Variants in PIK3R3 observed in about 807,000 individuals in gnomAD.
The protein encoded by PIK3R3 is phosphatidylinositol 3-kinase regulatory subunit gamma.
Under a neutral mutation model 62.9 loss-of-function variants are expected in PIK3R3, and 64 were observed. The ratio of observed to expected loss-of-function variants is 1.02; its 90% confidence interval spans 0.83 to 1.25. PIK3R3 has a LOEUF of 1.25. PIK3R3 is among the 50% of genes most tolerant of loss of function. The pLI is 0.00. For synonymous variants in PIK3R3, 165 were observed against 189.0 expected (o/e 0.87, Z 1.04); for missense variants, 614 against 561.6 (o/e 1.09, Z -0.94).
chr1:46,068,354 T>A (rs1383005307), intron 3 of PIK3R3, among the ~76,000 whole-genome samples: 1 of 152,194 alleles, frequency 6.6e-6, no homozygotes, highest in Admixed American at 6.5e-5. Context: ...TACAGATATA[T>A]GATAAACAAG....
intron 1 of PIK3R3, among the ~76,000 whole-genome samples, chr1:46,090,547 C>G (rs1461033151): frequency 2.0e-5 from 3 of 151,912 alleles, no homozygotes; most frequent in African/African-American, 7.3e-5. Context: ...ACTGGCCAGG[C>G]TGGTCTCAAA....
At chr1:46,091,688 G>A (rs766220358) in intron 1 of PIK3R3, among the ~76,000 whole-genome samples, 49 of 151,880 alleles carry the variant, frequency 3.2e-4, no homozygotes, top group South Asian at 6.3e-4. Context: ...CAAATTTGAG[G>A]GTATTCAAAA....
At chr1:46,070,305 CA>C (rs1309730521) in intron 3 of PIK3R3, among the ~76,000 whole-genome samples, 1 of 152,158 alleles carries the variant, frequency 6.6e-6, no homozygotes, top group African/African-American at 2.4e-5. Context: ...TGGACAAGGA[CA>C]TGAACAGTCA....
chr1:46,162,017 G>A, the PIK3R3 span, among the ~76,000 whole-genome samples: 8 of 151,848 alleles, frequency 5.3e-5, no homozygotes, highest in African/African-American at 9.7e-5. Context: ...GTGTGAACCC[G>A]GGAGGCGGAG....
chr1:46,110,389 C>T (rs1446099873), intron 1 of PIK3R3, among the ~76,000 whole-genome samples: 3 of 151,266 alleles, frequency 2.0e-5, no homozygotes, highest in South Asian at 2.1e-4. Context: ...CCCAAAGTGC[C>T]GAGATTACAG....
At chr1:46,045,617 CTTTTTTTTT>C (rs1031388121) in intron 9 of PIK3R3, among the ~76,000 whole-genome samples, 8 of 21,212 alleles carry the variant, frequency 3.8e-4, no homozygotes, top group South Asian at 1.7e-3. Flanking sequence ...CAATTAAGTG[CTTTTTTTTT>C]TTTTTTTTTT....
intron 1 of PIK3R3, among the ~76,000 whole-genome samples, chr1:46,100,264 A>G (rs1652531134): frequency 6.6e-6 from 1 of 152,110 alleles, no homozygotes; most frequent in Admixed American, 6.5e-5. Context: ...CTTTTTTCTA[A>G]AAGTTTAACT....
At chr1:46,075,676 TAATC>T (rs1180905901) in intron 3 of PIK3R3, among the ~76,000 whole-genome samples, 1 of 152,058 alleles carries the variant, frequency 6.6e-6, no homozygotes, top group Non-Finnish European at 1.5e-5. Context: ...AAATCTGTGT[TAATC>T]AGAGTTCTCC....
At chr1:46,128,823 G>A (rs969399004) in intron 1 of PIK3R3, among the ~76,000 whole-genome samples, 1 of 152,190 alleles carries the variant, frequency 6.6e-6, no homozygotes, top group Non-Finnish European at 1.5e-5. Context: ...TCTCACGCCT[G>A]TAATCCCAGC....
chr1:46,106,055 C>A (rs1653178160), intron 1 of PIK3R3, among the ~76,000 whole-genome samples: 1 of 152,076 alleles, frequency 6.6e-6, no homozygotes, highest in Non-Finnish European at 1.5e-5. Flanking sequence ...AATAATAAAT[C>A]CACATACAGC....
At chr1:46,093,391 A>G (rs567830255) in intron 1 of PIK3R3, among the ~76,000 whole-genome samples, 2 of 152,298 alleles carry the variant, frequency 1.3e-5, no homozygotes, top group Admixed American at 6.5e-5. Flanking sequence ...GGGATTTGCA[A>G]TGCCCCCTAA....
chr1:46,129,928 C>A (rs954012986), intron 1 of PIK3R3, among the ~76,000 whole-genome samples: 3 of 152,152 alleles, frequency 2.0e-5, no homozygotes, highest in Non-Finnish European at 4.4e-5. Flanking sequence ...CAAGGATGAA[C>A]ATTTTAAACT....
intron 1 of PIK3R3, among the ~76,000 whole-genome samples, chr1:46,092,818 A>AC (rs1441084574): frequency 1.6e-5 from 1 of 64,032 alleles, no homozygotes; most frequent in African/African-American, 6.6e-5. Context: ...ACTGGTCTTC[A>AC]TTTCTCTCTC....
intron 1 of PIK3R3, among the ~76,000 whole-genome samples, chr1:46,111,950 C>T (rs951236000): frequency 6.6e-6 from 1 of 152,176 alleles, no homozygotes; most frequent in African/African-American, 2.4e-5. Flanking sequence ...GCAATTCCAT[C>T]TCTGTCCTCC....
intron 9 of PIK3R3, 49 bp downstream of exon 9, chr1:46,045,869 T>C (rs1196991072): frequency 3.3e-6 from 5 of 1,495,456 alleles, no homozygotes; most frequent in Non-Finnish European, 4.6e-6. Context: ...GATTTTATAA[T>C]AATTGATGCA....
intron 3 of PIK3R3, 62 bp downstream of exon 3, chr1:46,077,453 T>G (rs1468169758): frequency 1.3e-6 from 1 of 779,102 alleles, no homozygotes; most frequent in African/African-American, 1.7e-5. Context: ...CAGAAATATC[T>G]GTATACCCAG....
chr1:46,066,637 T>TTG lies in PIK3R3; in HGVS notation c.495+273_495+274insCA, dbSNP rs1571397244. On this transcript the variant is annotated intron_variant, in intron 4 of 9. Coordinates refer to ENST00000262741, the MANE Select transcript of PIK3R3 (RefSeq NM_003629.4). ...GAGTTCAAGACTAGCCTGGGCAACA[T>TTG]GGCAAGACCCTGAAGTTGTGGCATG... Among the ~76,000 whole-genome samples the TTG allele has an allele frequency of 2.0e-5, 3 of 152,064 alleles. No individual in the cohort carries two copies. The East Asian group carries it at 5.8e-4, about 29-fold the overall frequency.
chr1:46,157,672 G>A, the PIK3R3 span, among the ~76,000 whole-genome samples: 1 of 152,166 alleles, frequency 6.6e-6, no homozygotes, highest in African/African-American at 2.4e-5. Flanking sequence ...CAGTGAAGGA[G>A]GAAAGCTTAG....
intron 1 of PIK3R3, among the ~76,000 whole-genome samples, chr1:46,096,523 T>A (rs577033754): frequency 6.6e-6 from 1 of 152,362 alleles, no homozygotes; most frequent in South Asian, 2.1e-4. Context: ...TAAATTAAAT[T>A]AGAATCTAAC....
Sources: gnomAD v4.1 joint callset for allele counts (sites outside exome capture counted in the v4.1 genomes callset) on GRCh38, gnomAD v4.1.1 for gene constraint, MANE v1.5 for transcripts, NCBI Gene and HGNC (gene_info 2026-07-23, HGNC 2026-07-21) for gene names.